The following FASTKD1 variants were observed in gnomAD, a reference collection of about 807,000 sequenced individuals.
FASTKD1 encodes the protein FAST kinase domains 1, also known as FAST kinase domain-containing protein 1, mitochondrial.
Under a neutral mutation model 90.9 loss-of-function variants are expected in FASTKD1, and 94 were observed. The ratio of observed to expected loss-of-function variants is 1.03; its 90% CI spans 0.88 to 1.23. The LOEUF (loss-of-function observed/expected upper bound fraction) is 1.23, where lower values mean the gene tolerates loss of function less well. Among genes scored for constraint, FASTKD1 ranks in the 50% most tolerant of loss-of-function variants. The pLI is 0.00. For missense variants in FASTKD1, 945 were observed against 993.5 expected (o/e 0.95, Z 0.66); for synonymous variants, 319 against 345.8 (o/e 0.92, Z 0.86).
At chr2:169,531,556 T>C in intron 12 of FASTKD1, 66 bp from the exon 13 acceptor site, 1 of 1,251,558 alleles carries the variant, frequency 8.0e-7, no homozygotes, top group Non-Finnish European at 1.1e-6. Flanking sequence ...GTTTAAGATA[T>C]ATTTGAAATA....
At chr2:169,563,385 A>G in intron 3 of FASTKD1, 35 bp from the exon 4 acceptor site, 1 of 1,447,826 alleles carries the variant, frequency 6.9e-7, no homozygotes, top group South Asian at 1.3e-5. Flanking sequence ...GAACATTAGT[A>G]TTTACTTTCA....
intron 10 of FASTKD1, among the ~76,000 whole-genome samples, chr2:169,538,675 C>CAAA (rs35866271): frequency 1.1e-5 from 1 of 90,936 alleles, no homozygotes; most frequent in Non-Finnish European, 2.1e-5. Flanking sequence ...AACTCCGTCT[C>CAAA]AAAAAAAAAA....
At chr2:169,542,581 T>C (rs1313690214) in intron 9 of FASTKD1, among the ~76,000 whole-genome samples, 1 of 152,192 alleles carries the variant, frequency 6.6e-6, no homozygotes, top group African/African-American at 2.4e-5. Context: ...AAAAGACTTT[T>C]CTGGCCAGGT....
In FASTKD1 at chr2:169,538,100, T is replaced by A; in HGVS notation, c.1987A>T (p.Met663Leu). The change falls in exon 11 of 15, where the codon ATG (methionine) becomes TTG (leucine). Residue 663 changes from methionine (M) to leucine (L), a missense_variant. Physicochemically the swap from Met to Leu is conservative, Grantham distance 15. Transcript: ENST00000453153. ...AAGCAGACTGATCTATTTAACTCCATAAGATGAAACTGGACTCTTGCACTT... is the reference window on the plus strand; with the variant it reads ...AAGCAGACTGATCTATTTAACTCCAAAAGATGAAACTGGACTCTTGCACTT... Reference protein sequence around the residue: ...SRSARVQFHLMELNRSVCLEC... With the variant: ...SRSARVQFHLLELNRSVCLEC... 6.2e-7 allele frequency: 1 copy of A among 1,609,806 alleles called. No homozygotes were observed. The highest frequency in any genetic ancestry group is 8.5e-7 in the Non-Finnish European group (1 of 1,178,334).
chr2:169,547,884 C>CAAAAA lies in FASTKD1; in HGVS notation c.1215-1185_1215-1181dup, dbSNP rs1158292826. ...TGGGCGACAGAGGAAGACTCCATCT[C>CAAAAA]AAAAAAAAAAAAAAAAAAAAAAAAA... On this transcript the variant is annotated intron_variant, in intron 7 of 14. Coordinates refer to ENST00000453153, the MANE Select transcript of FASTKD1 (RefSeq NM_024622.6). 8.3e-3 allele frequency among the ~76,000 whole-genome samples: 177 copies of CAAAAA among 21,336 alleles called. 34 individuals are homozygous for CAAAAA. Among genetic ancestry groups the CAAAAA allele is most frequent in the Middle Eastern group, 0.062 (1 of 16 alleles). The allele number at this position is 21,336 out of a possible 152,430, so 14.0% of individuals were successfully genotyped here. A position where few individuals can be genotyped will look rare whatever the true frequency, so the allele number is the denominator to read the frequency against.
chr2:169,543,927 A>T (rs1030850707), intron 9 of FASTKD1, among the ~76,000 whole-genome samples: 1 of 152,210 alleles, frequency 6.6e-6, no homozygotes, highest in South Asian at 2.1e-4. Context: ...GGTGCAAAAC[A>T]ACTACTCTAA....
intron 7 of FASTKD1, among the ~76,000 whole-genome samples, chr2:169,551,723 C>T (rs1685498223): frequency 6.6e-6 from 1 of 152,006 alleles, no homozygotes; most frequent in Non-Finnish European, 1.5e-5. Context: ...CTTGAGGTCA[C>T]TTGAGGTTGC....
At chr2:169,533,175 T>A (rs1559137338) in intron 12 of FASTKD1, among the ~76,000 whole-genome samples, 1 of 152,160 alleles carries the variant, frequency 6.6e-6, no homozygotes, top group Non-Finnish European at 1.5e-5. Flanking sequence ...ATTTCCCATA[T>A]TGCTGAACAT....
At chr2:169,538,848 T>C (rs1684845876) in intron 10 of FASTKD1, among the ~76,000 whole-genome samples, 1 of 152,134 alleles carries the variant, frequency 6.6e-6, no homozygotes, top group Admixed American at 6.6e-5. Flanking sequence ...TAACAGGATA[T>C]TATGTAGCCA....
chr2:169,555,285 A>T, intron 6 of FASTKD1, 30 bp from the exon 7 acceptor site: 1 of 1,572,838 alleles, frequency 6.4e-7, no homozygotes, highest in Non-Finnish European at 8.6e-7. Context: ...TATTATAACC[A>T]GTTCATTCAT....
rs746692964 is a variant in FASTKD1 at position 169,560,371 on chromosome 2, T to G, written c.971+16A>C. On this transcript the variant is annotated intron_variant, in intron 5 of 14. Transcript: ENST00000453153. ...ATTCACAACAAAAAAAGTAATGCAT[T>G]TTAAACTGAACTTACTGTTTCTTTT... The G allele has an allele frequency of 2.6e-6, 4 of 1,519,972 alleles. No individual in the cohort carries two copies. The South Asian group carries it at 5.5e-5, about 21-fold the overall frequency. 94.2% of individuals were successfully genotyped at this position (1,519,972 alleles called of 1,614,324 possible). A position where few individuals can be genotyped will look rare whatever the true frequency, so the allele number is the denominator to read the frequency against.
intron 3 of FASTKD1, among the ~76,000 whole-genome samples, chr2:169,566,664 G>T (rs1684000938): frequency 6.6e-6 from 1 of 152,006 alleles, no homozygotes; most frequent in South Asian, 2.1e-4. Context: ...GTGAGCCCTG[G>T]TTGTACCACT....
In FASTKD1 at chr2:169,562,099, A is replaced by AATCATTTAT. The variant is rs1559157688; in HGVS notation, c.572+1125_572+1126insATAAATGAT. Among the ~76,000 whole-genome samples the AATCATTTAT allele has an allele frequency of 1.2e-3, 46 of 38,138 alleles. 17 individuals are homozygous for AATCATTTAT. The highest frequency in any genetic ancestry group is 4.6e-3 in the Admixed American group (15 of 3,240). The allele number at this position is 38,138 out of a possible 152,430, so 25.0% of individuals were successfully genotyped here. Reference sequence around the variant, plus strand: ...TAATTATTTATTAATTTATTGTAAAATAATTATTTATTAATTTATTGTAAA... The same window carrying AATCATTTAT: ...TAATTATTTATTAATTTATTGTAAAAATCATTTATTAATTATTTATTAATTTATTGTAAA... On this transcript the variant is annotated intron_variant, in intron 4 of 14. Transcript: ENST00000453153.
chr2:169,558,892 A>G (rs552769458), intron 5 of FASTKD1, among the ~76,000 whole-genome samples: 1 of 151,904 alleles, frequency 6.6e-6, no homozygotes, highest in South Asian at 2.1e-4. Flanking sequence ...CTGGGCCCCA[A>G]TAGTTTTTTT....
At chr2:169,558,093 T>G (rs938740014) in intron 5 of FASTKD1, among the ~76,000 whole-genome samples, 1 of 152,244 alleles carries the variant, frequency 6.6e-6, no homozygotes, top group Non-Finnish European at 1.5e-5. Flanking sequence ...CTTCATAAAC[T>G]ATGTTGTTAC....
At chr2:169,546,811 A>G in intron 7 of FASTKD1, 107 bp from the exon 8 acceptor site, 1 of 1,145,862 alleles carries the variant, frequency 8.7e-7, no homozygotes, top group Non-Finnish European at 1.2e-6. Flanking sequence ...TGATGATTCA[A>G]AAAAACCTCT....
rs908077049 is a variant in FASTKD1 at position 169,546,640 on chromosome 2, G to T, written c.1279C>A (p.Pro427Thr). 3.7e-6 allele frequency: 6 copies of T among 1,613,980 alleles called. No homozygotes were observed. The Admixed American group carries it at 5.0e-5, about 13-fold the overall frequency. Residue 427 changes from proline to threonine, a missense_variant, in exon 8 of 15, where the codon CCT becomes ACT. Physicochemically the swap from Pro to Thr is conservative, Grantham distance 38. Coordinates refer to ENST00000453153, the MANE Select transcript of FASTKD1 (RefSeq NM_024622.6). ...SVLVRAISLL[P>T]SPHLDEVGIS... ...CCCACTTCGTCCAAGTGAGGAGAAG[G>T]GAGCAGGGAAATAGCACGGACCAGA... is the stretch of plus-strand genomic sequence containing the variant.
At chr2:169,561,836 G>GTAAATTATTTATTAATTTATTT (rs1341225135) in intron 4 of FASTKD1, among the ~76,000 whole-genome samples, 30 of 114,402 alleles carry the variant, frequency 2.6e-4, no homozygotes, top group Non-Finnish European at 3.7e-4. Context: ...TTAATTTATT[G>GTAAATTATTTATTAATTTATTT]TAAATTATTT....
intron 2 of FASTKD1, among the ~76,000 whole-genome samples, chr2:169,570,502 A>G (rs911573464): frequency 6.6e-6 from 1 of 152,174 alleles, no homozygotes; most frequent in Non-Finnish European, 1.5e-5. Flanking sequence ...ATATAAATGA[A>G]TCTACAAAAT....
Sources: allele counts gnomAD v4.1 joint callset (sites outside exome capture counted in the v4.1 genomes callset), GRCh38; gene constraint gnomAD v4.1.1; transcripts MANE v1.5; gene names NCBI Gene and HGNC (gene_info 2026-07-23, HGNC 2026-07-21).